Variants in FOXJ3 observed in about 807,000 individuals in gnomAD.
FOXJ3 encodes forkhead box protein J3.
In FOXJ3, 22 loss-of-function variants were observed where a neutral mutation model predicts 76.1. The ratio of observed to expected loss-of-function variants is 0.29; its 90% CI spans 0.21 to 0.41. The LOEUF is 0.41. FOXJ3 is among the 10% of genes least tolerant of loss of function. The pLI, the probability that FOXJ3 is intolerant of heterozygous loss-of-function variation, is 1.00. For synonymous variants in FOXJ3, 269 were observed against 261.2 expected (o/e 1.03, Z -0.29); for missense variants, 613 against 762.1 (o/e 0.80, Z 2.30).
intron 3 of FOXJ3, among the ~76,000 whole-genome samples, chr1:42,268,882 A>C (rs1651668067): frequency 6.6e-6 from 1 of 152,098 alleles, no homozygotes; most frequent in African/African-American, 2.4e-5. Flanking sequence ...CATGAATGAG[A>C]CTAGTGTTTA....
At chr1:42,184,178 G>A (rs484225) in intron 11 of FOXJ3, among the ~76,000 whole-genome samples, 36 of 151,842 alleles carry the variant, frequency 2.4e-4, no homozygotes, top group Non-Finnish European at 4.0e-4. Flanking sequence ...CAGAGTAATA[G>A]GGTCACTCAT....
chr1:42,179,943 A>G (rs1646284931), intron 12 of FOXJ3, 118 bp from the exon 13 acceptor site: 1 of 654,070 alleles, frequency 1.5e-6, no homozygotes, highest in African/African-American at 1.8e-5. Flanking sequence ...TAATTCAACC[A>G]TAAGCCTTCA....
At chr1:42,292,187 A>G (rs1021221211) in intron 2 of FOXJ3, among the ~76,000 whole-genome samples, 1 of 152,232 alleles carries the variant, frequency 6.6e-6, no homozygotes, top group African/African-American at 2.4e-5. Flanking sequence ...TTAAAACTAC[A>G]CTGAGATATC....
Position 42,291,087 on chromosome 1 carries a change from C to CAGAT in FOXJ3, c.45-12416_45-12415insATCT, listed in dbSNP as rs1553167265. 2.0e-3 allele frequency among the ~76,000 whole-genome samples: 279 copies of CAGAT among 140,814 alleles called. 1 individual carries two copies. Among genetic ancestry groups the CAGAT allele is most frequent in the African/African-American group, 7.1e-3 (259 of 36,598 alleles). The allele number at this position is 140,814 out of a possible 152,430, so 92.4% of individuals were successfully genotyped here. ...ATAGATAGATAGATAGATAGATAGA[C>CAGAT]AGACAGACAGACAGATAGATCCACA... On this transcript the variant is annotated intron_variant, in intron 2 of 12. Coordinates refer to ENST00000361346, the MANE Select transcript of FOXJ3 (RefSeq NM_014947.5).
At chr1:42,250,402 T>C (rs1304543211) in intron 4 of FOXJ3, among the ~76,000 whole-genome samples, 2 of 152,170 alleles carry the variant, frequency 1.3e-5, no homozygotes, top group Non-Finnish European at 2.9e-5. Context: ...GAGTCTCCTA[T>C]GCATGTTTCA....
At position 42,176,548 on chromosome 1, in the gene FOXJ3, T is replaced by C. The variant is rs1216037477; in HGVS notation, c.*3162A>G. ...AACGGAGACCAATCAGTGTTGTAAA[T>C]AGAGTTAACATAATATATTTATTTT... On this transcript the variant is annotated 3_prime_UTR_variant, in exon 13 of 13. Coordinates refer to ENST00000361346, the MANE Select transcript of FOXJ3 (RefSeq NM_014947.5). The C allele has an allele frequency of 1.3e-5, 2 of 152,598 alleles. No individual in the cohort carries two copies. Among genetic ancestry groups the C allele is most frequent in the African/African-American group, 4.8e-5 (2 of 41,428 alleles). 9.5% of individuals were successfully genotyped at this position (152,598 alleles called of 1,614,324 possible).
At chr1:42,182,213 G>A (rs1646338628) in intron 11 of FOXJ3, among the ~76,000 whole-genome samples, 189 bp from the exon 12 acceptor site, 1 of 152,208 alleles carries the variant, frequency 6.6e-6, no homozygotes, top group Non-Finnish European at 1.5e-5. Context: ...CAGGGTGCCA[G>A]GCCGGGTGTG....
At chr1:42,277,571 G>A (rs1478504025) in intron 3 of FOXJ3, among the ~76,000 whole-genome samples, 1 of 26,146 alleles carries the variant, frequency 3.8e-5, no homozygotes, top group African/African-American at 1.1e-4. Context: ...GCCGAGGCGG[G>A]CGGATCACGA....
At chr1:42,264,955 G>T (rs77363520) in intron 4 of FOXJ3, 160 bp downstream of exon 4, 2 of 663,134 alleles carry the variant, frequency 3.0e-6, no homozygotes, top group Admixed American at 2.8e-5. Flanking sequence ...CACTAGTTAG[G>T]TTCCCACAGC....
intron 1 of FOXJ3, among the ~76,000 whole-genome samples, chr1:42,326,262 C>T (rs115092773): frequency 0.01 from 1,586 of 152,098 alleles, 12 homozygotes; most frequent in Non-Finnish European, 0.016. Context: ...AAAAAAAGTC[C>T]GAAGATCCAC....
At chr1:42,261,391 T>G (rs758078689) in intron 4 of FOXJ3, among the ~76,000 whole-genome samples, 2 of 151,786 alleles carry the variant, frequency 1.3e-5, no homozygotes, top group African/African-American at 2.4e-5. Context: ...GAATTTCATT[T>G]TGTGTGTGTG....
chr1:42,205,573 A>G (rs1569859911), intron 6 of FOXJ3, among the ~76,000 whole-genome samples, 189 bp downstream of exon 6: 1 of 152,320 alleles, frequency 6.6e-6, no homozygotes, highest in Non-Finnish European at 1.5e-5. Context: ...ATCTCTCCTG[A>G]GAGATATTTT....
chr1:42,270,766 T>C (rs1651808726), intron 3 of FOXJ3, among the ~76,000 whole-genome samples: 1 of 152,242 alleles, frequency 6.6e-6, no homozygotes, highest in South Asian at 2.1e-4. Context: ...GTTATTTTAA[T>C]GCAGATTCCT....
intron 11 of FOXJ3, among the ~76,000 whole-genome samples, chr1:42,184,071 G>A (rs1478430013): frequency 1.3e-5 from 2 of 152,090 alleles, no homozygotes; most frequent in African/African-American, 2.4e-5. Context: ...TACGAGTGAC[G>A]TGGGGCGGAA....
chr1:42,185,462 A>C (rs1397919824), intron 11 of FOXJ3, among the ~76,000 whole-genome samples: 3 of 151,684 alleles, frequency 2.0e-5, no homozygotes, highest in African/African-American at 7.3e-5. Flanking sequence ...GGGTTTCACC[A>C]TGTTAACCAA....
At chr1:42,188,423 G>A (rs1440624496) in intron 11 of FOXJ3, among the ~76,000 whole-genome samples, 1 of 152,100 alleles carries the variant, frequency 6.6e-6, no homozygotes, top group Non-Finnish European at 1.5e-5. Context: ...TCATAATTAT[G>A]TTCCTATAAA....
intron 2 of FOXJ3, among the ~76,000 whole-genome samples, chr1:42,280,615 C>G (rs1652638558): frequency 6.6e-6 from 1 of 152,018 alleles, no homozygotes; most frequent in African/African-American, 2.4e-5. Flanking sequence ...AGATGAATCC[C>G]TTCAGTAATG....
At chr1:42,215,980 C>T (rs116589075) in intron 5 of FOXJ3, among the ~76,000 whole-genome samples, 1 of 151,634 alleles carries the variant, frequency 6.6e-6, no homozygotes, top group Admixed American at 6.6e-5. Context: ...AGTGAGACAC[C>T]CATCTCTAAG....
chr1:42,214,966 A>G (rs1359753553), intron 5 of FOXJ3, among the ~76,000 whole-genome samples: 2 of 152,260 alleles, frequency 1.3e-5, no homozygotes, highest in Admixed American at 6.5e-5. Flanking sequence ...CAAAAGGTGA[A>G]AGAGAAAGCT....
Sources: gnomAD v4.1 joint callset for allele counts (sites outside exome capture counted in the v4.1 genomes callset) on GRCh38, gnomAD v4.1.1 for gene constraint, MANE v1.5 for transcripts, NCBI Gene and HGNC (gene_info 2026-07-23, HGNC 2026-07-21) for gene names.